The following PHACTR1 variants were observed in gnomAD, a reference collection of about 807,000 sequenced individuals.
The protein encoded by PHACTR1 is phosphatase and actin regulator 1, also known as RPEL repeat containing 1.
PHACTR1 carries 16 observed loss-of-function variants against 69.2 expected under a neutral mutation model. The observed-to-expected ratio is 0.23, with a 90% CI of 0.16 to 0.35. PHACTR1 has a LOEUF of 0.35. PHACTR1 is among the 10% of genes least tolerant of loss of function. The probability of loss-of-function intolerance (pLI) is 1.00; values close to 1 mark genes in which losing one functional copy is unlikely to be tolerated. For synonymous variants in PHACTR1, 312 were observed against 284.5 expected (o/e 1.10, Z -0.97); for missense variants, 510 against 734.7 (o/e 0.69, Z 3.54).
intron 4 of PHACTR1, among the ~76,000 whole-genome samples, chr6:12,835,429 A>C (rs1489407781): frequency 6.6e-6 from 1 of 152,090 alleles, no homozygotes; most frequent in East Asian, 1.9e-4. Flanking sequence ...TTTGACCTTG[A>C]GAAGAAAGGC....
intron 11 of PHACTR1, 73 bp downstream of exon 11, chr6:13,272,988 A>C: frequency 6.3e-7 from 1 of 1,585,942 alleles, no homozygotes; most frequent in Non-Finnish European, 8.6e-7. Flanking sequence ...GTAGGCCACA[A>C]GGTTTCTACC....
chr6:12,917,458 T>C, intron 4 of PHACTR1, among the ~76,000 whole-genome samples: 1 of 152,104 alleles, frequency 6.6e-6, no homozygotes, highest in East Asian at 1.9e-4. Context: ...AGTAGAGTCA[T>C]AAATGACAAG....
chr6:13,284,177 T>C (rs1780951008), intron 13 of PHACTR1, among the ~76,000 whole-genome samples: 1 of 152,114 alleles, frequency 6.6e-6, no homozygotes, highest in Non-Finnish European at 1.5e-5. Flanking sequence ...TCTCTGATTC[T>C]AGTCTGGTCA....
rs148594050 is a variant in PHACTR1 at position 12,820,847 on chromosome 6, A to G, written c.250+71057A>G. Among the ~76,000 whole-genome samples the G allele has an allele frequency of 5.0e-3, 760 of 152,318 alleles. 4 individuals are homozygous for G. The highest frequency in any genetic ancestry group is 0.017 in the African/African-American group (719 of 41,576). On this transcript the variant is annotated intron_variant, in intron 4 of 14. Transcript: ENST00000332995. ...TGAGAACTGTTTATATAAACTCTTTATTAACAAAAAATCATCATTACCATC... is the reference window on the plus strand; with the variant it reads ...TGAGAACTGTTTATATAAACTCTTTGTTAACAAAAAATCATCATTACCATC...
At chr6:12,721,008 CAG>C (rs1052894779) in intron 3 of PHACTR1, among the ~76,000 whole-genome samples, 16 of 152,220 alleles carry the variant, frequency 1.1e-4, no homozygotes, top group African/African-American at 3.9e-4. Context: ...GGGCTTAAAA[CAG>C]TGTCTGCCAC....
chr6:12,948,484 T>C (rs1235760160), intron 4 of PHACTR1, among the ~76,000 whole-genome samples: 1 of 152,204 alleles, frequency 6.6e-6, no homozygotes, highest in Non-Finnish European at 1.5e-5. Context: ...CTATAAGATG[T>C]ATGCCTTCTC....
At chr6:12,898,732 G>A (rs369711258) in intron 4 of PHACTR1, among the ~76,000 whole-genome samples, 6 of 152,232 alleles carry the variant, frequency 3.9e-5, no homozygotes, top group African/African-American at 7.2e-5. Context: ...TCTGTCGGCC[G>A]CAATCTGTCC....
intron 5 of PHACTR1, among the ~76,000 whole-genome samples, chr6:13,127,604 A>G (rs1479012953): frequency 6.6e-6 from 1 of 152,144 alleles, no homozygotes; most frequent in Non-Finnish European, 1.5e-5. Context: ...AAGGTCACCA[A>G]TGGTCTTTGT....
At chr6:13,220,396 T>C (rs1307902408) in intron 8 of PHACTR1, among the ~76,000 whole-genome samples, 1 of 152,238 alleles carries the variant, frequency 6.6e-6, no homozygotes, top group Non-Finnish European at 1.5e-5. Context: ...CTTTGGTCTT[T>C]GTTTAAATTC....
intron 3 of PHACTR1, among the ~76,000 whole-genome samples, chr6:12,729,679 C>G (rs1763243078): frequency 6.6e-6 from 1 of 152,142 alleles, no homozygotes; most frequent in Admixed American, 6.5e-5. Context: ...GAGATGTTAT[C>G]AGGTCTGCTT....
At chr6:13,146,765 A>G (rs113636447) in intron 5 of PHACTR1, among the ~76,000 whole-genome samples, 2 of 152,380 alleles carry the variant, frequency 1.3e-5, no homozygotes, top group African/African-American at 4.8e-5. Flanking sequence ...AATGAAATAC[A>G]GTACACCATT....
intron 5 of PHACTR1, among the ~76,000 whole-genome samples, chr6:13,155,521 A>G (rs1758046255): frequency 6.6e-6 from 1 of 152,186 alleles, no homozygotes. Flanking sequence ...CTTAGCTCCG[A>G]CTTTGGAAGA....
chr6:13,101,609 T>A (rs896589466), intron 5 of PHACTR1, among the ~76,000 whole-genome samples: 1 of 152,204 alleles, frequency 6.6e-6, no homozygotes, highest in African/African-American at 2.4e-5. Flanking sequence ...GTTATGTAAC[T>A]CACAGAGTGA....
Position 13,255,941 on chromosome 6 carries a change from CAGTGGGGA to C in PHACTR1, c.1392-16918_1392-16911del, listed in dbSNP as rs1004084630. ...CTTACAGCTCCACTAGGCAGTGCCCCAGTGGGGACTCTGTGGGGGGGGCTCCAACCCCA... is the reference window on the plus strand; with the variant it reads ...CTTACAGCTCCACTAGGCAGTGCCCCCTCTGTGGGGGGGGCTCCAACCCCA... On this transcript the variant is annotated intron_variant, in intron 10 of 14. Transcript: ENST00000332995. Among the ~76,000 whole-genome samples the C allele has an allele frequency of 9.2e-5, 14 of 152,196 alleles. 1 individual carries two copies. The highest frequency in any genetic ancestry group is 3.1e-4 in the African/African-American group (13 of 41,428).
At chr6:12,891,661 A>G (rs1784180031) in intron 4 of PHACTR1, among the ~76,000 whole-genome samples, 1 of 152,146 alleles carries the variant, frequency 6.6e-6, no homozygotes, top group African/African-American at 2.4e-5. Flanking sequence ...CCATTAGAGT[A>G]TTTGTGCCCT....
chr6:12,851,754 C>T (rs1004900814), intron 4 of PHACTR1, among the ~76,000 whole-genome samples: 4 of 152,024 alleles, frequency 2.6e-5, no homozygotes, highest in East Asian at 1.9e-4. Flanking sequence ...ATTGCTCTGC[C>T]GAATGTTTTC....
At chr6:13,020,739 G>A (rs1800844210) in intron 4 of PHACTR1, among the ~76,000 whole-genome samples, 1 of 152,198 alleles carries the variant, frequency 6.6e-6, no homozygotes, top group Non-Finnish European at 1.5e-5. Flanking sequence ...GCTGAGAACG[G>A]TGCACAGGTA....
intron 4 of PHACTR1, among the ~76,000 whole-genome samples, chr6:13,045,041 A>T (rs982376217): frequency 6.6e-6 from 1 of 152,126 alleles, no homozygotes; most frequent in Non-Finnish European, 1.5e-5. Context: ...AAAGCAGCTC[A>T]TTTCCTCCCT....
intron 8 of PHACTR1, among the ~76,000 whole-genome samples, chr6:13,215,658 A>C (rs893413672): frequency 3.9e-5 from 6 of 152,240 alleles, no homozygotes; most frequent in African/African-American, 7.2e-5. Context: ...GGCTAATAGG[A>C]GTCCCAAATG....
Sources: allele counts gnomAD v4.1 joint callset (sites outside exome capture counted in the v4.1 genomes callset), GRCh38; gene constraint gnomAD v4.1.1; transcripts MANE v1.5; gene names NCBI Gene and HGNC (gene_info 2026-07-23, HGNC 2026-07-21).